ADGRB2: variants seen among roughly 807,000 people sequenced by gnomAD.
ADGRB2 encodes the protein adhesion G protein-coupled receptor B2.
ADGRB2 carries 47 observed loss-of-function variants against 178.7 expected under a neutral mutation model. The ratio of observed to expected loss-of-function variants is 0.26; its 90% confidence interval spans 0.21 to 0.34. The LOEUF is 0.34. Ranked by LOEUF, ADGRB2 falls within the 10% of genes least tolerant of loss-of-function variation. ADGRB2 has a pLI of 1.00. For synonymous variants in ADGRB2, 870 were observed against 912.4 expected, an observed-to-expected ratio of 0.95 and a Z score of 0.84; for missense variants, 1,584 against 2,180.8, an observed-to-expected ratio of 0.73 and a Z score of 5.45.
intron 15 of ADGRB2, 183 bp from the exon 16 acceptor site, chr1:31,739,120 G>T: frequency 2.3e-6 from 2 of 860,208 alleles, no homozygotes; most frequent in Non-Finnish European, 3.5e-6. Context: ...CCGCTGGGTG[G>T]CAGCCCAGCC....
At position 31,759,221 on chromosome 1, in the gene ADGRB2, TCA is replaced by T; in HGVS notation, c.-190-1712_-190-1711del. Reference sequence around the variant, plus strand: ...AGGTGAAACCCACAGATTCATGCTGTCACACACACTCAGGAGTTAACACGCAC... The same window carrying T: ...AGGTGAAACCCACAGATTCATGCTGTCACACACTCAGGAGTTAACACGCAC... On this transcript the variant is annotated intron_variant, in intron 1 of 32. Coordinates refer to ENST00000373658, the MANE Select transcript of ADGRB2 (RefSeq NM_001364857.2). The surrounding 1 kb of genome is among the most constrained non-coding windows in gnomAD (Gnocchi z 4.3). 1.3e-6 allele frequency: 1 copy of T among 759,382 alleles called. No homozygotes were observed. The highest frequency in any genetic ancestry group is 2.5e-6 in the Non-Finnish European group (1 of 403,998). The allele number at this position is 759,382 out of a possible 1,614,324, so 47.0% of individuals were successfully genotyped here.
chr1:31,744,754 G>A lies in ADGRB2; in HGVS notation c.839-23C>T, dbSNP rs1229588765. The A allele has an allele frequency of 6.2e-7, 1 of 1,613,166 alleles. No individual in the cohort carries two copies. Among genetic ancestry groups the A allele is most frequent in the Non-Finnish European group, 8.5e-7 (1 of 1,179,222 alleles). ...CACCTGGAACACGGAGGTGGTGGCAGGGGCTCAGCAAAGGCCAGCTAGGTT... is the reference window on the plus strand; with the variant it reads ...CACCTGGAACACGGAGGTGGTGGCAAGGGCTCAGCAAAGGCCAGCTAGGTT... On this transcript the variant is annotated intron_variant, in intron 4 of 32. Coordinates refer to ENST00000373658, the MANE Select transcript of ADGRB2 (RefSeq NM_001364857.2). This position sits in a 1 kb window ranked among gnomAD's most constrained non-coding sequence, Gnocchi z 6.7.
chr1:31,758,420 A>G lies in ADGRB2; in HGVS notation c.-190-909T>C, dbSNP rs1646937352. On this transcript the variant is annotated intron_variant, in intron 1 of 32. Transcript: ENST00000373658. This position sits in a 1 kb window ranked among gnomAD's most constrained non-coding sequence, Gnocchi z 4.2. ...TAGCTCTGGGGACTGAATCAGAAAC[A>G]CAGGACAATTCACAGGTATGACTAG... Among the ~76,000 whole-genome samples the G allele has an allele frequency of 6.6e-6, 1 of 152,210 alleles. No individual in the cohort carries two copies. The highest frequency in any genetic ancestry group is 1.5e-5 in the Non-Finnish European group (1 of 68,024).
chr1:31,733,168 T>A lies in ADGRB2; in HGVS notation c.3453-25A>T. ...CCTGAGGGGACAGTGGCAGAGCCCA[T>A]CAGAGTGACACTCCGGGGGACAGGA... On this transcript the variant is annotated intron_variant, in intron 25 of 32. Transcript: ENST00000373658. This position sits in a 1 kb window ranked among gnomAD's most constrained non-coding sequence, Gnocchi z 4.3. 6.4e-7 allele frequency: 1 copy of A among 1,559,798 alleles called. No homozygotes were observed. Among genetic ancestry groups the A allele is most frequent in the Non-Finnish European group, 8.7e-7 (1 of 1,152,912 alleles).
In ADGRB2 at chr1:31,761,795, T is replaced by A. The variant is rs1347472432; in HGVS notation, c.-191+2089A>T. ...TTCTCCTTTGGGATTAGGAGTGGAG[T>A]GGAGAGGGGCCTGACCTTGGCCTTG... On this transcript the variant is annotated intron_variant, in intron 1 of 32. Transcript: ENST00000373658. The surrounding 1 kb of genome is among the most constrained non-coding windows in gnomAD (Gnocchi z 4.2). Among the ~76,000 whole-genome samples, 1 of 151,848 alleles carries A rather than the reference T, an allele frequency of 6.6e-6. No homozygotes were observed. Among genetic ancestry groups the A allele is most frequent in the African/African-American group, 2.4e-5 (1 of 41,308 alleles).
chr1:31,732,499 C>T lies in ADGRB2; in HGVS notation c.3720+18G>A, dbSNP rs1198778563. On this transcript the variant is annotated intron_variant, in intron 27 of 32. Transcript: ENST00000373658. Reference sequence around the variant, plus strand: ...GTGCCCAGAATCTGCCCAGGCCCTGCCCAGGCCCCTAACTCACCAGGATCT... The same window carrying T: ...GTGCCCAGAATCTGCCCAGGCCCTGTCCAGGCCCCTAACTCACCAGGATCT... The T allele has an allele frequency of 6.2e-7, 1 of 1,613,590 alleles. No homozygotes were observed. Among genetic ancestry groups the T allele is most frequent in the East Asian group, 2.2e-5 (1 of 44,882 alleles).
rs766087842 is a variant in ADGRB2, at chr1:31,742,906, T to TG, written c.1183dup (p.Gln395ProfsTer11). 5 of 1,541,898 alleles carry TG rather than the reference T, an allele frequency of 3.2e-6. No individual in the cohort carries two copies. The highest frequency in any genetic ancestry group is 1.7e-6 in the Non-Finnish European group (2 of 1,143,302). Reference sequence around the variant, plus strand: ...ACCCTCGCAGGCCTTGCCGCCGTGCTGGGGGGGCACGCAGGTCCGCATCCG... The same window carrying TG: ...ACCCTCGCAGGCCTTGCCGCCGTGCTGGGGGGGGCACGCAGGTCCGCATCCG... On this transcript the variant is annotated frameshift_variant, in exon 7 of 33. Transcript: ENST00000373658. LOFTEE classifies it high-confidence loss of function.
In ADGRB2 at chr1:31,742,886, C is replaced by T. The variant is rs1646055049; in HGVS notation, c.1204G>A (p.Glu402Lys). 2 of 1,540,636 alleles carry T rather than the reference C, an allele frequency of 1.3e-6. No individual in the cohort carries two copies. The highest frequency in any genetic ancestry group is 2.5e-5 in the East Asian group (1 of 40,198). Residue 402 changes from glutamate (E) to lysine (K), a missense_variant, in exon 7 of 33, where the codon GAG becomes AAG. Glu to Lys is a moderately conservative substitution (Grantham distance 56, BLOSUM62 1). Coordinates refer to ENST00000373658, the MANE Select transcript of ADGRB2 (RefSeq NM_001364857.2). ...VPPQHGGKAC[E>K]GPELQTKLCS... The stretch of plus-strand genomic sequence containing the variant: ...AGCTTAGTCTGCAGCTCAGGACCCT[C>T]GCAGGCCTTGCCGCCGTGCTGGGGG...
At position 31,735,478 on chromosome 1, in the gene ADGRB2, G is replaced by A. The variant is rs1645544341; in HGVS notation, c.3353+102C>T. 1 of 1,438,860 alleles carries A rather than the reference G, an allele frequency of 6.9e-7. No individual in the cohort carries two copies. Among genetic ancestry groups the A allele is most frequent in the Non-Finnish European group, 9.6e-7 (1 of 1,041,104 alleles). 89.1% of individuals were successfully genotyped at this position (1,438,860 alleles called of 1,614,324 possible). On this transcript the variant is annotated intron_variant, in intron 24 of 32. Coordinates refer to ENST00000373658, the MANE Select transcript of ADGRB2 (RefSeq NM_001364857.2). This position sits in a 1 kb window ranked among gnomAD's most constrained non-coding sequence, Gnocchi z 6.0. ...AACCTTGATGCACCAAGGTTGGGGA[G>A]CCCCGGTCGCATCATCGAGCCCTGA...
At chr1:31,739,005 G>A (rs1045659189) in intron 15 of ADGRB2, 68 bp from the exon 16 acceptor site, 50 of 1,384,614 alleles carry the variant, frequency 3.6e-5, no homozygotes, top group African/African-American at 7.1e-5. Flanking sequence ...CCCTGAAGCC[G>A]CTTTGGATGG....
intron 4 of ADGRB2, among the ~76,000 whole-genome samples, chr1:31,747,306 C>T (rs1450612383): frequency 2.0e-5 from 3 of 152,062 alleles, no homozygotes; most frequent in African/African-American, 7.3e-5. Flanking sequence ...GCTTAATTAA[C>T]CCCCTCTGAA....
chr1:31,755,767 T>C lies in ADGRB2; in HGVS notation c.838+232A>G, dbSNP rs1646799512. ...GGAGGTCCCTCCCTGGGTTTATATA[T>C]CACCCTGCATTATCTGATCTGTGCC... On this transcript the variant is annotated intron_variant, in intron 4 of 32. Transcript: ENST00000373658. This position sits in a 1 kb window ranked among gnomAD's most constrained non-coding sequence, Gnocchi z 5.1. Among the ~76,000 whole-genome samples the C allele has an allele frequency of 2.6e-5, 4 of 151,988 alleles. No individual in the cohort carries two copies. In the South Asian group the frequency reaches 8.3e-4, roughly 32 times the overall value.
Position 31,740,892 on chromosome 1 carries a change from C to CGT in ADGRB2, c.1795-352_1795-351insAC, listed in dbSNP as rs1378626175. 4.7e-5 allele frequency among the ~76,000 whole-genome samples: 4 copies of CGT among 85,626 alleles called. No individual in the cohort carries two copies. Among genetic ancestry groups the CGT allele is most frequent in the Non-Finnish European group, 7.8e-5 (3 of 38,426 alleles). 56.2% of individuals were successfully genotyped at this position (85,626 alleles called of 152,430 possible). A position where few individuals can be genotyped will look rare whatever the true frequency, so the allele number is the denominator to read the frequency against. ...TGTAATGAGCATGTGTGTGGGCGCG[C>CGT]GCGCACACACACACACACACACACA... On this transcript the variant is annotated intron_variant, in intron 11 of 32. Transcript: ENST00000373658. This position sits in a 1 kb window ranked among gnomAD's most constrained non-coding sequence, Gnocchi z 5.9.
intron 7 of ADGRB2, 94 bp downstream of exon 7, chr1:31,742,744 G>A (rs1569918940): frequency 7.5e-7 from 1 of 1,340,238 alleles, no homozygotes; most frequent in Non-Finnish European, 9.7e-7. Flanking sequence ...GGGGCCCCCA[G>A]GGGCAGGTCA....
In ADGRB2 at chr1:31,759,460, C is replaced by A. The variant is rs1646977577; in HGVS notation, c.-190-1949G>T. 11 of 745,936 alleles carry A rather than the reference C, an allele frequency of 1.5e-5. No individual in the cohort carries two copies. Among genetic ancestry groups the A allele is most frequent in the South Asian group, 1.4e-4 (10 of 70,680 alleles). The allele number at this position is 745,936 out of a possible 1,614,324, so 46.2% of individuals were successfully genotyped here. On this transcript the variant is annotated intron_variant, in intron 1 of 32. Transcript: ENST00000373658. The surrounding 1 kb of genome is among the most constrained non-coding windows in gnomAD (Gnocchi z 4.3). The stretch of plus-strand genomic sequence containing the variant: ...TAGGCTGCTGCTCCCTACTCCACAG[C>A]CCCGCCCCATCAAGAAGCACAAGGT...
rs568667236 is a variant in ADGRB2, at chr1:31,755,081, G to A, written c.838+918C>T. On this transcript the variant is annotated intron_variant, in intron 4 of 32. Coordinates refer to ENST00000373658, the MANE Select transcript of ADGRB2 (RefSeq NM_001364857.2). This position sits in a 1 kb window ranked among gnomAD's most constrained non-coding sequence, Gnocchi z 5.1. ...CAGAGAGAGGAGAGGCCTCCCTGTC[G>A]GTACCAGAGCTGCAGACCAGACCCC... 2.0e-5 allele frequency among the ~76,000 whole-genome samples: 3 copies of A among 152,292 alleles called. No homozygotes were observed. The highest frequency in any genetic ancestry group is 2.1e-4 in the South Asian group (1 of 4,818).
Position 31,756,597 on chromosome 1 carries a change from G to A in ADGRB2, c.240C>T (p.Tyr80=), listed in dbSNP as rs1646848372. 6.2e-7 allele frequency: 1 copy of A among 1,608,266 alleles called. No homozygotes were observed. The highest frequency in any genetic ancestry group is 8.5e-7 in the Non-Finnish European group (1 of 1,176,718). The part of the protein sequence containing the change: ...ENPDPTKYSL[Y]LRFNRQEQVC... ...CCTGCTCCTGGCGGTTGAAGCGCAG[G>A]TAGAGGGAGTACTTGGTGGGGTCAG... Residue 80 remains tyrosine (Y), a synonymous_variant, in exon 4 of 33, where the codon TAC becomes TAT. Coordinates refer to ENST00000373658, the MANE Select transcript of ADGRB2 (RefSeq NM_001364857.2). This position sits in a 1 kb window ranked among gnomAD's most constrained non-coding sequence, Gnocchi z 8.5.
chr1:31,742,084 G>T lies in ADGRB2; in HGVS notation c.1386C>A (p.Asp462Glu), dbSNP rs762925505. The part of the protein sequence containing the change: ...AWATCTGALT[D>E]TRECSNLECP... Reference sequence around the variant, plus strand: ...ACTCGAGGTTGCTGCACTCCCGGGTGTCAGTGAGGGCACCCGTGCATGTGG... The same window carrying T: ...ACTCGAGGTTGCTGCACTCCCGGGTTTCAGTGAGGGCACCCGTGCATGTGG... The change falls in exon 8 of 33, where the codon GAC (aspartate) becomes GAA (glutamate). Residue 462 changes from aspartate (D) to glutamate (E), a missense_variant. Physicochemically the swap from Asp to Glu is conservative, Grantham distance 45 (BLOSUM62 2). Around this residue, in one of 3 missense-constraint regions of ADGRB2, gnomAD observed 657 missense variants for 847.6 expected, o/e 0.78. Transcript: ENST00000373658. The T allele has an allele frequency of 6.2e-7, 1 of 1,612,468 alleles. No homozygotes were observed. Among genetic ancestry groups the T allele is most frequent in the Non-Finnish European group, 8.5e-7 (1 of 1,179,326 alleles).
rs539739847 is a variant in ADGRB2 at position 31,744,891 on chromosome 1, T to G, written c.839-160A>C. 7.9e-5 allele frequency among the ~76,000 whole-genome samples: 12 copies of G among 152,302 alleles called. No individual in the cohort carries two copies. In the South Asian group the frequency reaches 2.5e-3, roughly 32 times the overall value. On this transcript the variant is annotated intron_variant, in intron 4 of 32. Coordinates refer to ENST00000373658, the MANE Select transcript of ADGRB2 (RefSeq NM_001364857.2). This position sits in a 1 kb window ranked among gnomAD's most constrained non-coding sequence, Gnocchi z 6.7. ...ATTCTGCCCTCTGCCCCACCACCAC[T>G]ATTTCACAGACAAGGAAACTGAGGT...
Sources: gnomAD v4.1 joint callset for allele counts (sites outside exome capture counted in the v4.1 genomes callset) on GRCh38, gnomAD v4.1.1 for gene constraint, gnomAD v4.1.1 regional missense constraint, Gnocchi (gnomAD v3.1) non-coding constraint, MANE v1.5 for transcripts, NCBI Gene and HGNC (gene_info 2026-07-23, HGNC 2026-07-21) for gene names.